The following CLIC5 variants were observed in gnomAD, a reference collection of about 807,000 sequenced individuals.
CLIC5 encodes the protein CLIC family member 5.
Under a neutral mutation model 24.7 loss-of-function variants are expected in CLIC5, and 20 were observed. The ratio of observed to expected loss-of-function variants is 0.81; its 90% CI spans 0.57 to 1.18. The LOEUF (loss-of-function observed/expected upper bound fraction) is 1.18, where lower values mean the gene tolerates loss of function less well. Among genes scored for constraint, CLIC5 ranks in the 50% most tolerant of loss-of-function variants. The pLI is 0.00. For missense variants in CLIC5, 341 were observed against 326.1 expected (o/e 1.05, Z -0.35); for synonymous variants, 159 against 135.6 (o/e 1.17, Z -1.20).
chr6:46,064,909 C>G (rs1762399460), intron 1 of CLIC5, among the ~76,000 whole-genome samples: 1 of 151,864 alleles, frequency 6.6e-6, no homozygotes, highest in Non-Finnish European at 1.5e-5. Context: ...AAAACACAAA[C>G]CATAGCATTA....
chr6:46,108,563 AT>A, the CLIC5 span, among the ~76,000 whole-genome samples: 2 of 151,778 alleles, frequency 1.3e-5, no homozygotes, highest in African/African-American at 4.8e-5. Context: ...CACTTGGCTG[AT>A]TTTTTTGTAT....
At chr6:45,988,289 G>A (rs1293027655) in intron 1 of CLIC5, among the ~76,000 whole-genome samples, 1 of 152,210 alleles carries the variant, frequency 6.6e-6, no homozygotes, top group Non-Finnish European at 1.5e-5. Context: ...TAAGGTCTGA[G>A]AATAGTCCTT....
intron 4 of CLIC5, among the ~76,000 whole-genome samples, chr6:45,935,992 C>T (rs77013782): frequency 0.017 from 2,595 of 152,218 alleles, 91 homozygotes; most frequent in African/African-American, 0.059. Flanking sequence ...CCACTACCCC[C>T]GATTTCCTCC....
intron 1 of CLIC5, among the ~76,000 whole-genome samples, chr6:45,988,983 T>G (rs3777603): frequency 6.6e-6 from 1 of 152,052 alleles, no homozygotes; most frequent in African/African-American, 2.4e-5. Context: ...GTACCTAGGG[T>G]CCAAGGCTCT....
At chr6:46,032,680 A>T (rs992979911) in intron 1 of CLIC5, among the ~76,000 whole-genome samples, 3 of 152,198 alleles carry the variant, frequency 2.0e-5, no homozygotes, top group African/African-American at 7.2e-5. Context: ...CTGGATTCAG[A>T]AACCTCTTTT....
chr6:45,961,803 A>G (rs1412350633), intron 1 of CLIC5, among the ~76,000 whole-genome samples: 1 of 152,150 alleles, frequency 6.6e-6, no homozygotes. Context: ...AGAAGCCACA[A>G]AAGGCCTAAT....
chr6:46,062,007 C>T (rs1762295902), intron 1 of CLIC5, among the ~76,000 whole-genome samples: 1 of 152,212 alleles, frequency 6.6e-6, no homozygotes, highest in Admixed American at 6.5e-5. Flanking sequence ...CAGAAGCTGC[C>T]TTTTCCAACA....
At chr6:45,897,803 G>A (rs1762414064), downstream of CLIC5, among the ~76,000 whole-genome samples, 1 of 151,994 alleles carries the variant, frequency 6.6e-6, no homozygotes, top group South Asian at 2.1e-4. Flanking sequence ...AGAGCTCTGG[G>A]CACAAGAAGA....
At chr6:45,951,444 A>G (rs1764464752) in intron 2 of CLIC5, among the ~76,000 whole-genome samples, 2 of 152,152 alleles carry the variant, frequency 1.3e-5, no homozygotes, top group Non-Finnish European at 2.9e-5. Context: ...CACACTGACT[A>G]CCTGCAGGAA....
upstream of CLIC5, among the ~76,000 whole-genome samples, chr6:46,083,428 C>A (rs1210566217): frequency 6.6e-6 from 1 of 152,116 alleles, no homozygotes; most frequent in African/African-American, 2.4e-5. Flanking sequence ...ATAAATTTCC[C>A]TCTACACACT....
chr6:46,092,340 G>A, the CLIC5 span, among the ~76,000 whole-genome samples: 118 of 152,270 alleles, frequency 7.7e-4, 1 homozygote, highest in African/African-American at 2.7e-3. Context: ...ACAAGAACAA[G>A]ATAAGCATTT....
At chr6:45,962,076 AC>A (rs1764864322) in intron 1 of CLIC5, among the ~76,000 whole-genome samples, 2 of 149,650 alleles carry the variant, frequency 1.3e-5, no homozygotes. Context: ...ACACACACAC[AC>A]ACACACACAC....
chr6:45,953,630 G>A (rs1285304508), intron 2 of CLIC5, among the ~76,000 whole-genome samples: 2 of 152,010 alleles, frequency 1.3e-5, no homozygotes, highest in Non-Finnish European at 2.9e-5. Flanking sequence ...GACAAATCGG[G>A]GCTTCGGATG....
intron 1 of CLIC5, among the ~76,000 whole-genome samples, chr6:46,025,822 T>C (rs1767314172): frequency 1.3e-5 from 2 of 152,134 alleles, no homozygotes; most frequent in Admixed American, 1.3e-4. Flanking sequence ...GTTCTCATGA[T>C]AGTGAGTTCC....
chr6:45,915,023 T>C (rs541775588), intron 4 of CLIC5, among the ~76,000 whole-genome samples: 200 of 151,942 alleles, frequency 1.3e-3, no homozygotes, highest in African/African-American at 4.6e-3. Context: ...TCCGACTCCC[T>C]GGTTCAAACG....
At chr6:46,031,677 C>T (rs567695924) in intron 1 of CLIC5, among the ~76,000 whole-genome samples, 9 of 151,500 alleles carry the variant, frequency 5.9e-5, no homozygotes, top group African/African-American at 1.9e-4. Flanking sequence ...ATGTATGTAC[C>T]AAACTAAATG....
rs772865697 is a variant in CLIC5, at chr6:45,999,692, C to A, written c.63+15788G>T. On this transcript the variant is annotated intron_variant, in intron 1 of 5. Transcript: ENST00000339561. Reference sequence around the variant, plus strand: ...GGATGAAGACTTATGATGACCCACTCCCACTTAATGAATAGTAAATCTATT... The same window carrying A: ...GGATGAAGACTTATGATGACCCACTACCACTTAATGAATAGTAAATCTATT... 6.3e-4 allele frequency among the ~76,000 whole-genome samples: 96 copies of A among 151,876 alleles called. 1 individual carries two copies. The highest frequency in any genetic ancestry group is 1.0e-3 in the Non-Finnish European group (71 of 68,002).
At chr6:46,076,481 T>C (rs1391873407) in intron 1 of CLIC5, among the ~76,000 whole-genome samples, 1 of 152,060 alleles carries the variant, frequency 6.6e-6, no homozygotes, top group Non-Finnish European at 1.5e-5. Flanking sequence ...AAGAAGGCAA[T>C]GGGATGATGG....
At chr6:46,069,912 T>A (rs906502775) in intron 1 of CLIC5, among the ~76,000 whole-genome samples, 1 of 152,168 alleles carries the variant, frequency 6.6e-6, no homozygotes, top group African/African-American at 2.4e-5. Context: ...GCAAGGTTGG[T>A]TCAACATATG....
Sources: allele counts gnomAD v4.1 joint callset (sites outside exome capture counted in the v4.1 genomes callset), GRCh38; gene constraint gnomAD v4.1.1; transcripts MANE v1.5; gene names NCBI Gene and HGNC (gene_info 2026-07-23, HGNC 2026-07-21).